KIAA1217: variants seen among roughly 807,000 people sequenced by gnomAD.
KIAA1217 encodes the protein sickle tail protein homolog.
A neutral mutation model predicts 163.9 loss-of-function variants in KIAA1217; 88 were observed. The observed-to-expected ratio is 0.54, with a 90% CI of 0.45 to 0.64. The LOEUF (loss-of-function observed/expected upper bound fraction) is 0.64, where lower values mean the gene tolerates loss of function less well. Among genes scored for constraint, KIAA1217 ranks in the 30% least tolerant of loss-of-function variants. KIAA1217 has a pLI of 0.00. For missense variants in KIAA1217, 2,372 were observed against 2,475.0 expected, an observed-to-expected ratio of 0.96 and a Z score of 0.88; for synonymous variants, 903 against 923.1, an observed-to-expected ratio of 0.98 and a Z score of 0.39.
chr10:24,378,169 A>G (rs571698589), intron 2 of KIAA1217, among the ~76,000 whole-genome samples: 22 of 152,182 alleles, frequency 1.4e-4, no homozygotes, highest in Non-Finnish European at 2.8e-4. Flanking sequence ...CTCTGTAGAC[A>G]TTGACTAATA....
At chr10:23,866,630 G>A (rs1840198847) in intron 1 of KIAA1217, among the ~76,000 whole-genome samples, 1 of 151,732 alleles carries the variant, frequency 6.6e-6, no homozygotes, top group African/African-American at 2.4e-5. Flanking sequence ...CCCCTGCTTG[G>A]GAGAGAAGGT....
At chr10:23,969,849 G>T (rs1845232635) in intron 1 of KIAA1217, among the ~76,000 whole-genome samples, 1 of 152,188 alleles carries the variant, frequency 6.6e-6, no homozygotes, top group Admixed American at 6.5e-5. Flanking sequence ...AGACTGGGTG[G>T]TTTAATGGAC....
intron 3 of KIAA1217, among the ~76,000 whole-genome samples, chr10:24,423,250 C>T (rs1357800879): frequency 1.3e-5 from 2 of 151,140 alleles, no homozygotes; most frequent in Non-Finnish European, 2.9e-5. Context: ...TTTCAGGGTG[C>T]TAACATAGGT....
chr10:23,997,964 G>T (rs1447119790), intron 1 of KIAA1217, among the ~76,000 whole-genome samples: 1 of 148,710 alleles, frequency 6.7e-6, no homozygotes, highest in Non-Finnish European at 1.5e-5. Context: ...AAGCCAGGAG[G>T]TATGGAGAAG....
At chr10:23,713,872 T>C (rs1837407167) in intron 1 of KIAA1217, among the ~76,000 whole-genome samples, 1 of 152,142 alleles carries the variant, frequency 6.6e-6, no homozygotes, top group African/African-American at 2.4e-5. Flanking sequence ...TAACCTTGAC[T>C]TCAAACCTAA....
At chr10:23,782,399 G>A (rs985420467) in intron 1 of KIAA1217, among the ~76,000 whole-genome samples, 11 of 152,074 alleles carry the variant, frequency 7.2e-5, no homozygotes, top group Admixed American at 1.3e-4. Flanking sequence ...ACTAATTTTT[G>A]TATGTTGATT....
At chr10:23,953,271 A>G (rs1348257504) in intron 1 of KIAA1217, among the ~76,000 whole-genome samples, 1 of 152,238 alleles carries the variant, frequency 6.6e-6, no homozygotes, top group Admixed American at 6.5e-5. Flanking sequence ...CAGTGGTTTA[A>G]CATATTATGC....
intron 2 of KIAA1217, among the ~76,000 whole-genome samples, chr10:24,138,356 C>T (rs980240722): frequency 5.3e-5 from 8 of 152,134 alleles, no homozygotes; most frequent in African/African-American, 1.7e-4. Flanking sequence ...ACTGTGTTTC[C>T]CAGGCTGGTC....
At chr10:24,046,091 T>G (rs954945213) in intron 2 of KIAA1217, among the ~76,000 whole-genome samples, 2 of 106,004 alleles carry the variant, frequency 1.9e-5, no homozygotes, top group Non-Finnish European at 3.6e-5. Context: ...CTGATTTCAT[T>G]TATTTATTTA....
At chr10:23,870,296 T>C (rs976897079) in intron 1 of KIAA1217, among the ~76,000 whole-genome samples, 1 of 152,040 alleles carries the variant, frequency 6.6e-6, no homozygotes, top group Admixed American at 6.6e-5. Flanking sequence ...AACATCTCTG[T>C]TTTTCCTGCT....
chr10:24,015,465 G>C (rs1032057601), intron 2 of KIAA1217, among the ~76,000 whole-genome samples: 5 of 151,932 alleles, frequency 3.3e-5, no homozygotes, highest in Admixed American at 2.6e-4. Context: ...TCTAGAAATA[G>C]CAACATAAGG....
intron 2 of KIAA1217, among the ~76,000 whole-genome samples, chr10:24,151,460 T>C (rs1041779836): frequency 1.4e-5 from 2 of 145,960 alleles, no homozygotes; most frequent in African/African-American, 5.1e-5. Flanking sequence ...GTATCTAGTA[T>C]GCATCGGGCA....
At chr10:24,424,221 T>C (rs2131604564) in intron 3 of KIAA1217, among the ~76,000 whole-genome samples, 1 of 152,356 alleles carries the variant, frequency 6.6e-6, no homozygotes, top group African/African-American at 2.4e-5. Context: ...GAGTTCTCTC[T>C]GGGATTTGAG....
chr10:23,884,178 A>G (rs1461252320), intron 1 of KIAA1217, among the ~76,000 whole-genome samples: 1 of 151,902 alleles, frequency 6.6e-6, no homozygotes. Context: ...GCTGTAAGAA[A>G]CTACCCAACT....
At chr10:24,236,261 TC>T (rs1351958445) in intron 2 of KIAA1217, among the ~76,000 whole-genome samples, 11 of 152,230 alleles carry the variant, frequency 7.2e-5, no homozygotes, top group Non-Finnish European at 1.5e-4. Context: ...TTTTTCTTTT[TC>T]TTTTTTTCGA....
At chr10:24,474,126 A>T (rs542231557) in intron 6 of KIAA1217, 66 bp downstream of exon 6, 6 of 1,207,920 alleles carry the variant, frequency 5.0e-6, no homozygotes, top group Admixed American at 2.3e-5. Context: ...GCAGCTCTAC[A>T]GGGGTCAAAC....
intron 5 of KIAA1217, among the ~76,000 whole-genome samples, chr10:24,469,152 G>A (rs1255208406): frequency 6.6e-6 from 1 of 151,980 alleles, no homozygotes; most frequent in Non-Finnish European, 1.5e-5. Context: ...GAGACAGAGA[G>A]TCTTGCTGTG....
intron 1 of KIAA1217, among the ~76,000 whole-genome samples, chr10:23,926,141 C>G (rs1409193905): frequency 6.6e-6 from 1 of 152,160 alleles, no homozygotes; most frequent in East Asian, 1.9e-4. Flanking sequence ...GAAGGGGAAT[C>G]TACACAGGCT....
intron 3 of KIAA1217, among the ~76,000 whole-genome samples, chr10:24,431,943 A>G (rs1197483467): frequency 6.6e-6 from 1 of 152,144 alleles, no homozygotes; most frequent in African/African-American, 2.4e-5. Flanking sequence ...TTAGAACCAC[A>G]GAAATCTTGT....
Sources: gnomAD v4.1 joint callset for allele counts (sites outside exome capture counted in the v4.1 genomes callset) on GRCh38, gnomAD v4.1.1 for gene constraint, MANE v1.5 for transcripts, NCBI Gene and HGNC (gene_info 2026-07-23, HGNC 2026-07-21) for gene names.